The following FAM120A variants were observed in gnomAD, a reference collection of about 807,000 sequenced individuals.
FAM120A encodes constitutive coactivator of PPAR-gamma-like protein 1.
In FAM120A, 15 loss-of-function variants were observed where a neutral mutation model predicts 109.7. That is an observed-to-expected ratio of 0.14 (90% CI 0.09 to 0.21). The LOEUF (loss-of-function observed/expected upper bound fraction) is 0.21. Ranked by LOEUF, FAM120A falls within the 10% of genes least tolerant of loss-of-function variation. The probability of loss-of-function intolerance (pLI) is 1.00; values close to 1 mark genes in which losing one functional copy is unlikely to be tolerated. For synonymous variants in FAM120A, 493 were observed against 572.8 expected (o/e 0.86, Z 1.99); for missense variants, 899 against 1,439.3 (o/e 0.62, Z 6.07).
intron 1 of FAM120A, among the ~76,000 whole-genome samples, chr9:93,469,632 C>G (rs1400922384): frequency 6.6e-6 from 1 of 152,096 alleles, no homozygotes; most frequent in Non-Finnish European, 1.5e-5. Context: ...TAAAAAAAAT[C>G]TATTCTATTT....
intron 14 of FAM120A, among the ~76,000 whole-genome samples, 153 bp downstream of exon 14, chr9:93,558,163 C>T (rs1862357673): frequency 6.6e-6 from 1 of 152,224 alleles, no homozygotes; most frequent in Non-Finnish European, 1.5e-5. Context: ...CCGTGAGGAG[C>T]AAGTTTAATC....
chr9:93,548,052 G>A (rs1861953769), intron 11 of FAM120A, among the ~76,000 whole-genome samples: 1 of 152,020 alleles, frequency 6.6e-6, no homozygotes, highest in Admixed American at 6.6e-5. Flanking sequence ...AGGAAAGCCA[G>A]GAAAGATCTT....
chr9:93,503,845 A>G (rs572153939), intron 5 of FAM120A, among the ~76,000 whole-genome samples: 3 of 151,850 alleles, frequency 2.0e-5, no homozygotes, highest in Non-Finnish European at 4.4e-5. Context: ...AAAAGTATAT[A>G]TATATATATT....
intron 15 of FAM120A, among the ~76,000 whole-genome samples, chr9:93,560,696 G>T (rs1333370235): frequency 1.3e-5 from 2 of 152,212 alleles, no homozygotes; most frequent in Non-Finnish European, 2.9e-5. Context: ...TAAAAACACA[G>T]TAAGAAATAC....
rs1040793945 is a variant in FAM120A at position 93,556,431 on chromosome 9, G to A, written c.2324G>A (p.Ser775Asn). ...ATTCAGCTATCAGCTCTCTTCATGA[G>A]TGGAGTAGACATGGCCTTGTTTGCA... Reference protein sequence around the residue: ...RGIQLSALFMSGVDMALFAND... With the variant: ...RGIQLSALFMNGVDMALFAND... Residue 775 changes from serine (S) to asparagine (N), a missense_variant, in exon 13 of 18, where the codon AGT becomes AAT. Coordinates refer to ENST00000277165, the MANE Select transcript of FAM120A (RefSeq NM_014612.5). 3 of 1,614,250 alleles carry A rather than the reference G, an allele frequency of 1.9e-6. No homozygotes were observed. The highest frequency in any genetic ancestry group is 2.5e-6 in the Non-Finnish European group (3 of 1,180,052).
intron 1 of FAM120A, among the ~76,000 whole-genome samples, chr9:93,454,599 A>G (rs949885748): frequency 6.6e-6 from 1 of 151,222 alleles, no homozygotes; most frequent in Non-Finnish European, 1.5e-5. Flanking sequence ...CATTAATAGC[A>G]AGAAGTGACA....
At chr9:93,507,122 G>A (rs148094774) in intron 5 of FAM120A, among the ~76,000 whole-genome samples, 1 of 152,244 alleles carries the variant, frequency 6.6e-6, no homozygotes, top group African/African-American at 2.4e-5. Flanking sequence ...GGATCAGAGT[G>A]GGCAAGGGCA....
At position 93,500,030 on chromosome 9, in the gene FAM120A, G is replaced by A. The variant is rs1397251059; in HGVS notation, c.1030+1144G>A. ...CGATGCCCTGTAATAAAGGAGGTAG[G>A]GCTTGTAACCTGGAGATGGGCATGG... On this transcript the variant is annotated intron_variant, in intron 5 of 17. Transcript: ENST00000277165. This position sits in a 1 kb window ranked among gnomAD's most constrained non-coding sequence, Gnocchi z 4.6. Among the ~76,000 whole-genome samples the A allele has an allele frequency of 6.6e-6, 1 of 152,244 alleles. No homozygotes were observed. The highest frequency in any genetic ancestry group is 2.4e-5 in the African/African-American group (1 of 41,462).
intron 12 of FAM120A, among the ~76,000 whole-genome samples, chr9:93,554,120 T>TACAC (rs10672125): frequency 0.13 from 11,057 of 87,006 alleles, 1,343 homozygotes; most frequent in Middle Eastern, 0.18. Context: ...GGCCATTTGA[T>TACAC]ACACACACAC....
intron 3 of FAM120A, among the ~76,000 whole-genome samples, chr9:93,488,827 T>G (rs1228457549): frequency 1.3e-5 from 2 of 152,078 alleles, no homozygotes; most frequent in African/African-American, 2.4e-5. Context: ...CACTGCTTGC[T>G]GGGATTCATG....
intron 13 of FAM120A, among the ~76,000 whole-genome samples, chr9:93,557,501 C>T (rs1051693898): frequency 6.6e-6 from 1 of 152,160 alleles, no homozygotes; most frequent in African/African-American, 2.4e-5. Flanking sequence ...ACTTAATAAA[C>T]TGTGAAAAGG....
At chr9:93,559,489 G>A (rs1862401745) in intron 15 of FAM120A, among the ~76,000 whole-genome samples, 1 of 152,242 alleles carries the variant, frequency 6.6e-6, no homozygotes, top group African/African-American at 2.4e-5. Context: ...TAGTTAGGGA[G>A]GCCAGCAAGG....
rs1339092289 is a variant in FAM120A at position 93,451,759 on chromosome 9, A to C, written c.-157A>C. The C allele has an allele frequency of 3.1e-6, 3 of 977,490 alleles. No individual in the cohort carries two copies. The highest frequency in any genetic ancestry group is 1.8e-5 in the African/African-American group (1 of 54,846). The allele number at this position is 977,490 out of a possible 1,614,324, so 60.6% of individuals were successfully genotyped here. On this transcript the variant is annotated 5_prime_UTR_variant, in exon 1 of 18. It removes an upstream start codon present in the reference 5' UTR. Coordinates refer to ENST00000277165, the MANE Select transcript of FAM120A (RefSeq NM_014612.5). ...ACATGGCCCTGGGAGGCGGCAGCAC[A>C]TGGCGGCCGCGGCGGCCATGAGCGC...
chr9:93,488,754 C>T (rs1043769766), intron 3 of FAM120A, among the ~76,000 whole-genome samples: 2 of 152,086 alleles, frequency 1.3e-5, no homozygotes, highest in Non-Finnish European at 2.9e-5. Flanking sequence ...TGATTCTTCC[C>T]CTTCCTGCAT....
chr9:93,533,670 C>T (rs772045489), intron 10 of FAM120A, among the ~76,000 whole-genome samples: 13 of 152,192 alleles, frequency 8.5e-5, no homozygotes, highest in East Asian at 1.9e-4. Flanking sequence ...CCTGTCTCTA[C>T]CCTTCACTTC....
intron 5 of FAM120A, among the ~76,000 whole-genome samples, chr9:93,499,579 C>T (rs894228066): frequency 1.3e-5 from 2 of 152,140 alleles, no homozygotes; most frequent in South Asian, 2.1e-4. Flanking sequence ...TGAGCCACCA[C>T]GTTCAGCCTG....
At chr9:93,513,462 TGTG>T (rs1860426616) in intron 5 of FAM120A, among the ~76,000 whole-genome samples, 3 of 152,208 alleles carry the variant, frequency 2.0e-5, no homozygotes, top group African/African-American at 7.2e-5. Context: ...AGGAATGTGT[TGTG>T]TGCACGTGTG....
At position 93,540,151 on chromosome 9, in the gene FAM120A, C is replaced by G. The variant is rs796932391; in HGVS notation, c.1910-3071C>G. 2.1e-4 allele frequency among the ~76,000 whole-genome samples: 32 copies of G among 152,326 alleles called. 1 individual carries two copies. Among genetic ancestry groups the G allele is most frequent in the African/African-American group, 7.5e-4 (31 of 41,574 alleles). On this transcript the variant is annotated intron_variant, in intron 10 of 17. Transcript: ENST00000277165. Reference sequence around the variant, plus strand: ...CTGAGAACCCAAGGAGACCCTCCCTCTCAGGCACATGCCTGTGCAGATTGC... The same window carrying G: ...CTGAGAACCCAAGGAGACCCTCCCTGTCAGGCACATGCCTGTGCAGATTGC...
chr9:93,557,931 G>C lies in FAM120A; in HGVS notation c.2589G>C (p.Leu863=), dbSNP rs371742465. 37 of 1,609,520 alleles carry C rather than the reference G, an allele frequency of 2.3e-5. No individual in the cohort carries two copies. Among genetic ancestry groups the C allele is most frequent in the Non-Finnish European group, 3.1e-5 (36 of 1,179,886 alleles). Reference sequence around the variant, plus strand: ...TCCCTTTCCCGCCGCCACCTGCCCTGCCCTTCTACCCTGCCTCTGCGTACC... The same window carrying C: ...TCCCTTTCCCGCCGCCACCTGCCCTCCCCTTCTACCCTGCCTCTGCGTACC... ...HTLPFPPPPA[L]PFYPASAYPR... The change falls in exon 14 of 18, where the codon CTG becomes CTC. Residue 863 remains leucine, a synonymous_variant. Transcript: ENST00000277165.
Sources: allele counts gnomAD v4.1 joint callset (sites outside exome capture counted in the v4.1 genomes callset), GRCh38; gene constraint gnomAD v4.1.1; non-coding constraint Gnocchi (gnomAD v3.1); transcripts MANE v1.5; gene names NCBI Gene and HGNC (gene_info 2026-07-23, HGNC 2026-07-21).